The following C2orf42 variants were observed in gnomAD, a reference collection of about 807,000 sequenced individuals.
C2orf42 encodes the protein uncharacterized protein C2orf42.
A neutral mutation model predicts 58.9 loss-of-function variants in C2orf42; 44 were observed. The observed-to-expected ratio is 0.75, with a 90% confidence interval of 0.59 to 0.96. The LOEUF is 0.96. Among genes scored for constraint, C2orf42 ranks in the 40% least tolerant of loss-of-function variants. The pLI, the probability that C2orf42 is intolerant of heterozygous loss-of-function variation, is 0.00. For synonymous variants in C2orf42, 239 were observed against 265.4 expected (o/e 0.90, Z 0.97); for missense variants, 630 against 699.2 (o/e 0.90, Z 1.12).
chr2:70,173,570 C>T (rs1010046142), intron 5 of C2orf42, among the ~76,000 whole-genome samples: 9 of 152,040 alleles, frequency 5.9e-5, no homozygotes, highest in African/African-American at 1.7e-4. Flanking sequence ...CGTGAGCCAC[C>T]GTGCTTGGTC....
In C2orf42 at chr2:70,154,968, C is replaced by T. The variant is rs551853099; in HGVS notation, c.1517-4404G>A. ...AGTTTATTAAGAAAGTAAAGGAGGCCGGGCATGGTGGCTCACGCCTGTAAT... is the reference window on the plus strand; with the variant it reads ...AGTTTATTAAGAAAGTAAAGGAGGCTGGGCATGGTGGCTCACGCCTGTAAT... On this transcript the variant is annotated intron_variant, in intron 9 of 9. Transcript: ENST00000264434. Among the ~76,000 whole-genome samples, 18 of 151,970 alleles carry T rather than the reference C, an allele frequency of 1.2e-4. No individual in the cohort carries two copies. In the South Asian group the frequency reaches 2.5e-3, roughly 21 times the overall value.
At position 70,182,028 on chromosome 2, in the gene C2orf42, G is replaced by A. The variant is rs1338086326; in HGVS notation, c.-12-31C>T. The A allele has an allele frequency of 5.1e-6, 5 of 983,268 alleles. No homozygotes were observed. In the Admixed American group the frequency reaches 6.7e-5, roughly 13 times the overall value. 60.9% of individuals were successfully genotyped at this position (983,268 alleles called of 1,614,324 possible). A position where few individuals can be genotyped will look rare whatever the true frequency, so the allele number is the denominator to read the frequency against. ...AAAGACAATACATCCAACAGTATGAGTATACCTTCACACACAAAAAGTTAA... is the reference window on the plus strand; with the variant it reads ...AAAGACAATACATCCAACAGTATGAATATACCTTCACACACAAAAAGTTAA... On this transcript the variant is annotated intron_variant, in intron 2 of 9. Coordinates refer to ENST00000264434, the MANE Select transcript of C2orf42 (RefSeq NM_017880.3).
In C2orf42 at chr2:70,169,212, T is replaced by A. The variant is rs1235564815; in HGVS notation, c.1144+345A>T. Among the ~76,000 whole-genome samples the A allele has an allele frequency of 2.0e-5, 3 of 151,288 alleles. No individual in the cohort carries two copies. The Admixed American group carries it at 2.0e-4, about 10-fold the overall frequency. On this transcript the variant is annotated intron_variant, in intron 6 of 9. Coordinates refer to ENST00000264434, the MANE Select transcript of C2orf42 (RefSeq NM_017880.3). The stretch of plus-strand genomic sequence containing the variant: ...TTCCCCTTGCTTTAAGTTTGAGAGT[T>A]AGAATAGTCTCATAAAGCTTCAGTA...
At chr2:70,158,958 A>C (rs1467852288) in intron 9 of C2orf42, among the ~76,000 whole-genome samples, 1 of 124,088 alleles carries the variant, frequency 8.1e-6, no homozygotes, top group African/African-American at 3.2e-5. Flanking sequence ...GCTGGAGTGC[A>C]TGGAGTGCAG....
intron 9 of C2orf42, 84 bp downstream of exon 9, chr2:70,160,541 G>T: frequency 3.5e-6 from 3 of 866,752 alleles, no homozygotes; most frequent in South Asian, 2.1e-5. Context: ...TTTGTTTAAG[G>T]TCAAGATCCA....
At position 70,150,320 on chromosome 2, in the gene C2orf42, A is replaced by G. The variant is rs1401512868; in HGVS notation, c.*36T>C. The stretch of plus-strand genomic sequence containing the variant: ...AAGTTGTCAAGGGGTGGGGATGTGC[A>G]AATTAAGCAGCAAAAGATTATTATC... On this transcript the variant is annotated 3_prime_UTR_variant, in exon 10 of 10. Transcript: ENST00000264434. 1.9e-6 allele frequency: 3 copies of G among 1,582,750 alleles called. No homozygotes were observed. The highest frequency in any genetic ancestry group is 1.3e-5 in the African/African-American group (1 of 74,350).
chr2:70,187,927 A>G (rs1675063214), intron 1 of C2orf42, among the ~76,000 whole-genome samples: 2 of 151,550 alleles, frequency 1.3e-5, no homozygotes, highest in African/African-American at 4.8e-5. Flanking sequence ...CTGACCTCAG[A>G]TGATCCACCC....
chr2:70,158,519 G>A (rs866363469), intron 9 of C2orf42, among the ~76,000 whole-genome samples: 1 of 151,976 alleles, frequency 6.6e-6, no homozygotes, highest in East Asian at 1.9e-4. Context: ...GCACGATCTC[G>A]GCTCACTGCA....
chr2:70,176,363 G>A (rs989649743), intron 4 of C2orf42, among the ~76,000 whole-genome samples: 2 of 152,070 alleles, frequency 1.3e-5, no homozygotes, highest in Non-Finnish European at 2.9e-5. Context: ...AATTAGCCGG[G>A]CGCGGTGGCA....
At chr2:70,164,673 T>C (rs1673284411) in intron 8 of C2orf42, among the ~76,000 whole-genome samples, 1 of 152,010 alleles carries the variant, frequency 6.6e-6, no homozygotes, top group African/African-American at 2.4e-5. Context: ...ATTTCTCTAA[T>C]GAGAACAAAG....
At chr2:70,179,713 C>T (rs570540332) in intron 3 of C2orf42, 71 bp from the exon 4 acceptor site, 5 of 557,216 alleles carry the variant, frequency 9.0e-6, no homozygotes, top group East Asian at 2.9e-5. Context: ...CTCTATGTAG[C>T]GAAAAGTTAA....
chr2:70,156,369 C>T (rs1306988169), intron 9 of C2orf42, among the ~76,000 whole-genome samples: 3 of 151,906 alleles, frequency 2.0e-5, no homozygotes, highest in African/African-American at 4.8e-5. Flanking sequence ...GCCTGTAGTC[C>T]CACCTCCTTG....
chr2:70,163,436 G>T lies in C2orf42; in HGVS notation c.1353+1656C>A, dbSNP rs62151192. 6.8e-3 allele frequency among the ~76,000 whole-genome samples: 1,026 copies of T among 151,606 alleles called. 9 individuals are homozygous for T. The highest frequency in any genetic ancestry group is 0.011 in the Non-Finnish European group (779 of 67,884). The stretch of plus-strand genomic sequence containing the variant: ...ATTTTTTTGTATTTTTAGTAGAGAC[G>T]GGGTTTCACTGTGTTAGCCAGGATG... On this transcript the variant is annotated intron_variant, in intron 8 of 9. Transcript: ENST00000264434.
At chr2:70,165,480 T>C in intron 7 of C2orf42, 48 bp downstream of exon 7, 1 of 1,052,146 alleles carries the variant, frequency 9.5e-7, no homozygotes, top group Non-Finnish European at 1.5e-6. Context: ...CAAACATAAT[T>C]CTCTATGTTC....
chr2:70,151,923 C>T (rs187407854), intron 9 of C2orf42, among the ~76,000 whole-genome samples: 238 of 151,980 alleles, frequency 1.6e-3, no homozygotes, highest in African/African-American at 5.1e-3. Flanking sequence ...ACTACAGGCA[C>T]GCACCACCAT....
chr2:70,169,087 A>G (rs747555728), intron 6 of C2orf42, among the ~76,000 whole-genome samples: 1 of 151,770 alleles, frequency 6.6e-6, no homozygotes, highest in Non-Finnish European at 1.5e-5. Flanking sequence ...TTTTCCATAC[A>G]GGGTCTCGCT....
intron 5 of C2orf42, among the ~76,000 whole-genome samples, chr2:70,172,101 G>C (rs1673860277): frequency 6.6e-6 from 1 of 151,694 alleles, no homozygotes; most frequent in South Asian, 2.1e-4. Flanking sequence ...GTGTGCGCCT[G>C]TAATCTCAGC....
chr2:70,189,645 G>C (rs966810395), intron 1 of C2orf42, among the ~76,000 whole-genome samples: 1 of 151,400 alleles, frequency 6.6e-6, no homozygotes, highest in Non-Finnish European at 1.5e-5. Flanking sequence ...TGAACCCTGG[G>C]GGGTGGAGCC....
chr2:70,177,038 G>A (rs770165022), intron 4 of C2orf42, among the ~76,000 whole-genome samples: 11 of 152,112 alleles, frequency 7.2e-5, no homozygotes, highest in Non-Finnish European at 1.0e-4. Flanking sequence ...TTGGGAGGCC[G>A]AGACGGGTGG....
Sources: gnomAD v4.1 joint callset for allele counts (sites outside exome capture counted in the v4.1 genomes callset) on GRCh38, gnomAD v4.1.1 for gene constraint, MANE v1.5 for transcripts, NCBI Gene and HGNC (gene_info 2026-07-23, HGNC 2026-07-21) for gene names.